OGFOD1: variants seen among roughly 807,000 people sequenced by gnomAD.
The protein encoded by OGFOD1 is 2-oxoglutarate and iron dependent oxygenase domain containing 1, also known as prolyl 3-hydroxylase OGFOD1.
A neutral mutation model predicts 67.7 loss-of-function variants in OGFOD1; 54 were observed. The ratio of observed to expected loss-of-function variants is 0.80; its 90% CI spans 0.64 to 1.00. The LOEUF is 1.00. Ranked by LOEUF, OGFOD1 falls within the 50% of genes least tolerant of loss-of-function variation. The probability of loss-of-function intolerance (pLI) is 0.00; values close to 1 mark genes in which losing one functional copy is unlikely to be tolerated. For synonymous variants in OGFOD1, 221 were observed against 227.0 expected, an observed-to-expected ratio of 0.97 and a Z score of 0.24; for missense variants, 606 against 646.7, an observed-to-expected ratio of 0.94 and a Z score of 0.68.
chr16:56,461,069 A>G (rs1962695420), intron 3 of OGFOD1, among the ~76,000 whole-genome samples: 1 of 152,216 alleles, frequency 6.6e-6, no homozygotes, highest in East Asian at 1.9e-4. Flanking sequence ...CATTATTGCC[A>G]TTTAAAGTTG....
chr16:56,463,407 T>G (rs1962789365), intron 4 of OGFOD1, among the ~76,000 whole-genome samples: 3 of 130,214 alleles, frequency 2.3e-5, no homozygotes, highest in Non-Finnish European at 5.0e-5. Flanking sequence ...TTTTTTTTTT[T>G]TTTTTTTGGT....
chr16:56,467,176 G>T lies in OGFOD1; in HGVS notation c.669G>T (p.Val223=), dbSNP rs1223288824. 1.9e-6 allele frequency: 3 copies of T among 1,613,970 alleles called. No individual in the cohort carries two copies. The highest frequency in any genetic ancestry group is 2.5e-6 in the Non-Finnish European group (3 of 1,180,022). ...GCTTCTCCTTTCAGGTGTCTGAAGT[G>T]CTGTCTGAAGAAAAGTCACGTTTGT... ...SPVSFHQVSE[V]LSEEKSRLSI... Residue 223 remains valine (V), a synonymous_variant, in exon 7 of 13, where the codon GTG becomes GTT. Transcript: ENST00000566157.
At chr16:56,453,490 G>T in intron 2 of OGFOD1, 82 bp downstream of exon 2, 1 of 1,439,454 alleles carries the variant, frequency 6.9e-7, no homozygotes, top group Non-Finnish European at 9.4e-7. Context: ...TAGACTTGAG[G>T]TTTTAGGGTG....
Position 56,451,669 on chromosome 16 carries a change from GA to G in OGFOD1, c.59del (p.Lys20ArgfsTer3). 2 of 1,614,088 alleles carry G rather than the reference GA, an allele frequency of 1.2e-6. No individual in the cohort carries two copies. Among genetic ancestry groups the G allele is most frequent in the Non-Finnish European group, 1.7e-6 (2 of 1,179,986 alleles). On this transcript the variant is annotated frameshift_variant, in exon 1 of 13. Transcript: ENST00000566157. LOFTEE classifies it high-confidence loss of function. ...GPARVGKKGKKEVMAEFSDAV... is the reference protein window; with the variant it reads ...GPARVGKKGKXEVMAEFSDAV... ...CAGCCCGGGTGGGAAAAAAGGGAAA[GA>G]AGGAGGTGATGGCGGAGTTTTCGGA...
At chr16:56,453,619 C>A in intron 2 of OGFOD1, 1 of 424,792 alleles carries the variant, frequency 2.4e-6, no homozygotes, top group Non-Finnish European at 4.2e-6. Context: ...TTAGACAGTG[C>A]CTGCCCTGTA....
chr16:56,451,583 G>C lies in OGFOD1; in HGVS notation c.-30G>C. The C allele has an allele frequency of 6.8e-6, 11 of 1,611,910 alleles. No individual in the cohort carries two copies. The highest frequency in any genetic ancestry group is 9.3e-6 in the Non-Finnish European group (11 of 1,179,578). The stretch of plus-strand genomic sequence containing the variant: ...CCTCAGGAAGGTAGCGTCTTGATCT[G>C]CGTGGCGTGGTTCTGTGCCTTGGGA... On this transcript the variant is annotated 5_prime_UTR_variant, in exon 1 of 13. Coordinates refer to ENST00000566157, the MANE Select transcript of OGFOD1 (RefSeq NM_018233.4).
chr16:56,478,183 G>A lies in OGFOD1; in HGVS notation c.*1978G>A, dbSNP rs1417754864. The A allele has an allele frequency of 6.6e-6, 1 of 151,980 alleles. No homozygotes were observed. The highest frequency in any genetic ancestry group is 1.5e-5 in the Non-Finnish European group (1 of 68,010). 9.4% of individuals were successfully genotyped at this position (151,980 alleles called of 1,614,324 possible). A position where few individuals can be genotyped will look rare whatever the true frequency, so the allele number is the denominator to read the frequency against. On this transcript the variant is annotated 3_prime_UTR_variant, in exon 13 of 13. Transcript: ENST00000566157. ...CACAATTTTTTTTGCGTTTGAGATG[G>A]AGTCTCACTCTGTGGCCCAGGCTGG...
chr16:56,454,748 TTC>T (rs1962467884), intron 2 of OGFOD1: 1 of 431,738 alleles, frequency 2.3e-6, no homozygotes, highest in Admixed American at 2.7e-5. Context: ...AATAACGAAT[TTC>T]TCTCTCTTAT....
intron 7 of OGFOD1, 46 bp from the exon 8 acceptor site, chr16:56,467,859 A>G (rs545400865): frequency 5.6e-6 from 5 of 887,408 alleles, no homozygotes; most frequent in East Asian, 2.4e-5. Flanking sequence ...AGCAAAAGCA[A>G]TAGGAATTAT....
At chr16:56,466,072 C>A in intron 4 of OGFOD1, 80 bp from the exon 5 acceptor site, 1 of 950,534 alleles carries the variant, frequency 1.1e-6, no homozygotes, top group Non-Finnish European at 1.7e-6. Flanking sequence ...GAATGTCAAA[C>A]GGACTGATAT....
intron 8 of OGFOD1, among the ~76,000 whole-genome samples, chr16:56,468,346 A>C (rs534518693): frequency 6.6e-6 from 1 of 152,354 alleles, no homozygotes; most frequent in Non-Finnish European, 1.5e-5. Flanking sequence ...TTACTTTTAA[A>C]AATAGATTAC....
chr16:56,463,387 T>TTG (rs1962786569), intron 4 of OGFOD1, among the ~76,000 whole-genome samples: 2 of 78,644 alleles, frequency 2.5e-5, no homozygotes, highest in East Asian at 6.2e-4. Context: ...TTTTTGGGTT[T>TTG]TTTTTTTTTT....
chr16:56,453,153 A>C (rs1388341600), intron 1 of OGFOD1, 110 bp from the exon 2 acceptor site: 1 of 1,086,946 alleles, frequency 9.2e-7, no homozygotes, highest in Non-Finnish European at 1.3e-6. Flanking sequence ...TTTAAGTATT[A>C]GGTTCCCCAA....
chr16:56,463,257 TTGAGTGTACTCTCATACAC>T (rs1238118362), intron 4 of OGFOD1, among the ~76,000 whole-genome samples: 2 of 152,212 alleles, frequency 1.3e-5, no homozygotes, highest in African/African-American at 4.8e-5. Flanking sequence ...AAATAATTCT[TTGAGTGTACTCTCATACAC>T]TGTCCTGGAA....
chr16:56,475,431 G>T lies in OGFOD1; in HGVS notation c.1409-76G>T, dbSNP rs1440541555. ...AGATCCCCCACTGTTAAGCAGCATG[G>T]GATCAGTGATTTAAGTAGATGGTGC... On this transcript the variant is annotated intron_variant, in intron 11 of 12. Coordinates refer to ENST00000566157, the MANE Select transcript of OGFOD1 (RefSeq NM_018233.4). 9.1e-6 allele frequency: 12 copies of T among 1,312,784 alleles called. No homozygotes were observed. The East Asian group carries it at 2.5e-4, about 28-fold the overall frequency. 81.3% of individuals were successfully genotyped at this position (1,312,784 alleles called of 1,614,324 possible).
At chr16:56,460,938 A>G (rs1179783655) in intron 3 of OGFOD1, among the ~76,000 whole-genome samples, 1 of 152,244 alleles carries the variant, frequency 6.6e-6, no homozygotes, top group Non-Finnish European at 1.5e-5. Flanking sequence ...AGAGATTTCT[A>G]CATGGAGAGC....
At position 56,468,027 on chromosome 16, in the gene OGFOD1, A is replaced by G; in HGVS notation, c.900+9A>G. On this transcript the variant is annotated intron_variant, in intron 8 of 12. Coordinates refer to ENST00000566157, the MANE Select transcript of OGFOD1 (RefSeq NM_018233.4). ...TGAAGGAGTTTCTTAAGGTAAGCTTAGCGTATGTTGTTCTGAATATTTTGT... is the reference window on the plus strand; with the variant it reads ...TGAAGGAGTTTCTTAAGGTAAGCTTGGCGTATGTTGTTCTGAATATTTTGT... 1 of 1,370,714 alleles carries G rather than the reference A, an allele frequency of 7.3e-7. No individual in the cohort carries two copies. The highest frequency in any genetic ancestry group is 1.7e-5 in the Admixed American group (1 of 59,434). The allele number at this position is 1,370,714 out of a possible 1,614,324, so 84.9% of individuals were successfully genotyped here. A position where few individuals can be genotyped will look rare whatever the true frequency, so the allele number is the denominator to read the frequency against.
At chr16:56,458,262 A>G in intron 2 of OGFOD1, 1 of 389,334 alleles carries the variant, frequency 2.6e-6, no homozygotes, top group Non-Finnish European at 4.8e-6. Context: ...CCATCTTTAT[A>G]CTAATCTGCT....
rs1293959021 is a variant in OGFOD1, at chr16:56,470,401, G to C, written c.981-86G>C. The C allele has an allele frequency of 3.5e-5, 43 of 1,214,662 alleles. No homozygotes were observed. In the South Asian group the frequency reaches 5.9e-4, roughly 17 times the overall value. 75.2% of individuals were successfully genotyped at this position (1,214,662 alleles called of 1,614,324 possible). A position where few individuals can be genotyped will look rare whatever the true frequency, so the allele number is the denominator to read the frequency against. Reference sequence around the variant, plus strand: ...AGCTGTGCCAAGATTTAGGAAGAGAGGTACAAAGCTAACGATCAGCTTTTA... The same window carrying C: ...AGCTGTGCCAAGATTTAGGAAGAGACGTACAAAGCTAACGATCAGCTTTTA... On this transcript the variant is annotated intron_variant, in intron 9 of 12. Coordinates refer to ENST00000566157, the MANE Select transcript of OGFOD1 (RefSeq NM_018233.4).
Sources: allele counts gnomAD v4.1 joint callset (sites outside exome capture counted in the v4.1 genomes callset), GRCh38; gene constraint gnomAD v4.1.1; transcripts MANE v1.5; gene names NCBI Gene and HGNC (gene_info 2026-07-23, HGNC 2026-07-21).